LHFPL3: variants seen among roughly 807,000 people sequenced by gnomAD.
LHFPL3 encodes LHFPL tetraspan subfamily member 3 protein.
A neutral mutation model predicts 19.3 loss-of-function variants in LHFPL3; 5 were observed. The observed-to-expected ratio is 0.26, with a 90% confidence interval of 0.14 to 0.54. LHFPL3 has a LOEUF of 0.54. Ranked by LOEUF, LHFPL3 falls within the 20% of genes least tolerant of loss-of-function variation. The pLI, the probability that LHFPL3 is intolerant of heterozygous loss-of-function variation, is 0.94. For synonymous variants in LHFPL3, 133 were observed against 126.2 expected, an observed-to-expected ratio of 1.05 and a Z score of -0.36; for missense variants, 249 against 307.4, an observed-to-expected ratio of 0.81 and a Z score of 1.42.
At chr7:104,512,185 C>T (rs1793829767) in intron 1 of LHFPL3, among the ~76,000 whole-genome samples, 1 of 151,864 alleles carries the variant, frequency 6.6e-6, no homozygotes, top group Non-Finnish European at 1.5e-5. Context: ...AAAGTCCCAG[C>T]CTCAAGTGAT....
chr7:104,712,674 A>G (rs986654622), intron 1 of LHFPL3, among the ~76,000 whole-genome samples: 1 of 152,224 alleles, frequency 6.6e-6, no homozygotes, highest in Non-Finnish European at 1.5e-5. Flanking sequence ...TAGAGTTTTC[A>G]GAACAGAATG....
chr7:104,482,501 G>C (rs1283144149), intron 1 of LHFPL3, among the ~76,000 whole-genome samples: 2 of 152,128 alleles, frequency 1.3e-5, no homozygotes, highest in Admixed American at 6.5e-5. Flanking sequence ...AGTTAGCAAG[G>C]CTCTTCTTTA....
chr7:104,497,854 T>A (rs1793515785), intron 1 of LHFPL3, among the ~76,000 whole-genome samples: 1 of 152,090 alleles, frequency 6.6e-6, no homozygotes, highest in Non-Finnish European at 1.5e-5. Context: ...CTTCTTGTAA[T>A]CACAGAGCCC....
At chr7:104,391,489 G>A (rs1296566126) in intron 1 of LHFPL3, among the ~76,000 whole-genome samples, 2 of 152,084 alleles carry the variant, frequency 1.3e-5, no homozygotes, top group Non-Finnish European at 2.9e-5. Flanking sequence ...AAGATCAGAT[G>A]GCTATAGATG....
intron 1 of LHFPL3, among the ~76,000 whole-genome samples, chr7:104,424,465 A>G (rs1254987419): frequency 6.6e-6 from 1 of 152,244 alleles, no homozygotes; most frequent in Non-Finnish European, 1.5e-5. Context: ...ATTACAGAGA[A>G]GGTTATGTAA....
intron 2 of LHFPL3, among the ~76,000 whole-genome samples, chr7:104,789,163 T>C (rs1225308551): frequency 2.0e-5 from 3 of 152,234 alleles, no homozygotes; most frequent in African/African-American, 7.2e-5. Context: ...GCTCCTCACA[T>C]GCTTACCAAT....
At chr7:104,720,883 A>G (rs996664035) in intron 1 of LHFPL3, among the ~76,000 whole-genome samples, 2 of 152,176 alleles carry the variant, frequency 1.3e-5, no homozygotes, top group Non-Finnish European at 2.9e-5. Context: ...AAAAGTCAGG[A>G]AACAACAGAT....
At chr7:104,723,833 C>T (rs1440500862) in intron 1 of LHFPL3, among the ~76,000 whole-genome samples, 2 of 150,706 alleles carry the variant, frequency 1.3e-5, no homozygotes, top group Non-Finnish European at 3.0e-5. Flanking sequence ...TAGTAATTTC[C>T]TAGGTGACAT....
chr7:104,635,107 C>A (rs1791707627), intron 1 of LHFPL3, among the ~76,000 whole-genome samples: 1 of 151,850 alleles, frequency 6.6e-6, no homozygotes, highest in South Asian at 2.1e-4. Flanking sequence ...AATTGTGCAG[C>A]CAAATTTCTT....
At chr7:104,597,555 T>C (rs987998251) in intron 1 of LHFPL3, among the ~76,000 whole-genome samples, 2 of 152,196 alleles carry the variant, frequency 1.3e-5, no homozygotes, top group Admixed American at 6.5e-5. Flanking sequence ...CCTGCCTCTA[T>C]TGACATGGTG....
Position 104,779,898 on chromosome 7 carries a change from A to T in LHFPL3, c.682+42987A>T, listed in dbSNP as rs553339608. On this transcript the variant is annotated intron_variant, in intron 2 of 2. Transcript: ENST00000424859. ...GCCCCTAGCTGGAACTCTTCTAAAC[A>T]ATATAAATTAGTGGGGTTTTTTTTT... 3.9e-5 allele frequency among the ~76,000 whole-genome samples: 6 copies of T among 152,284 alleles called. No individual in the cohort carries two copies. The South Asian group carries it at 1.2e-3, about 32-fold the overall frequency.
chr7:104,472,899 TG>T (rs1269037758), intron 1 of LHFPL3, among the ~76,000 whole-genome samples: 1 of 152,204 alleles, frequency 6.6e-6, no homozygotes, highest in African/African-American at 2.4e-5. Context: ...ATTCAATCCT[TG>T]GTTAAAGATT....
intron 2 of LHFPL3, chr7:104,798,325 G>A (rs567430429): frequency 4.6e-5 from 7 of 152,186 alleles, no homozygotes; most frequent in African/African-American, 1.7e-4. Context: ...GAAATGTGGA[G>A]AAAAAAGTTA....
chr7:104,506,294 C>T (rs1057139408), intron 1 of LHFPL3, among the ~76,000 whole-genome samples: 2 of 151,506 alleles, frequency 1.3e-5, no homozygotes, highest in African/African-American at 4.8e-5. Flanking sequence ...ATACTAAGCA[C>T]ATTCCATCCC....
chr7:104,329,672 G>C (rs979694307), intron 1 of LHFPL3, among the ~76,000 whole-genome samples: 2 of 152,122 alleles, frequency 1.3e-5, no homozygotes, highest in Non-Finnish European at 2.9e-5. Context: ...CCTCGCTGCT[G>C]GGACTATTTC....
chr7:104,825,212 T>C (rs781704065), intron 2 of LHFPL3, among the ~76,000 whole-genome samples: 2 of 151,696 alleles, frequency 1.3e-5, no homozygotes, highest in Non-Finnish European at 2.9e-5. Flanking sequence ...AAACAAATGA[T>C]CAATTCACTT....
intron 1 of LHFPL3, among the ~76,000 whole-genome samples, chr7:104,507,461 G>A (rs1169729376): frequency 9.2e-6 from 1 of 109,088 alleles, no homozygotes; most frequent in Admixed American, 8.9e-5. Context: ...CTCAATTCAA[G>A]ATGGATTAAA....
chr7:104,611,800 A>G (rs946743755), intron 1 of LHFPL3, among the ~76,000 whole-genome samples: 2 of 152,216 alleles, frequency 1.3e-5, no homozygotes, highest in Non-Finnish European at 1.5e-5. Flanking sequence ...AGTTACAACT[A>G]TATGAACTAA....
At chr7:104,662,630 C>T (rs1274668110) in intron 1 of LHFPL3, among the ~76,000 whole-genome samples, 1 of 152,114 alleles carries the variant, frequency 6.6e-6, no homozygotes, top group Non-Finnish European at 1.5e-5. Context: ...ATGACACAAA[C>T]AAATGAGTGA....
Sources: allele counts gnomAD v4.1 joint callset (sites outside exome capture counted in the v4.1 genomes callset), GRCh38; gene constraint gnomAD v4.1.1; transcripts MANE v1.5; gene names NCBI Gene and HGNC (gene_info 2026-07-23, HGNC 2026-07-21).